DNAJC11: variants seen among roughly 807,000 people sequenced by gnomAD.
DNAJC11 encodes the protein dnaJ homolog subfamily C member 11.
Under a neutral mutation model 78.6 loss-of-function variants are expected in DNAJC11, and 15 were observed. The observed-to-expected ratio is 0.19, with a 90% confidence interval of 0.13 to 0.29. DNAJC11 has a LOEUF of 0.29. Among genes scored for constraint, DNAJC11 ranks in the 10% least tolerant of loss-of-function variants. The pLI is 1.00. For synonymous variants in DNAJC11, 292 were observed against 272.1 expected (o/e 1.07, Z -0.72); for missense variants, 547 against 709.6 (o/e 0.77, Z 2.60).
intron 14 of DNAJC11, 109 bp downstream of exon 14, chr1:6,637,089 A>G (rs867766876): frequency 1.4e-6 from 2 of 1,430,518 alleles, no homozygotes; most frequent in Non-Finnish European, 9.6e-7. Flanking sequence ...GGCTCAAGCA[A>G]TCCGCCCACC....
rs894305792 is a variant in DNAJC11, at chr1:6,653,023, C to T, written c.508-72G>A. ...GTGCCAATGGCAGCAGCCTAAAGAACGCACTGTGAGCCCAAGGCCAAAGGT... is the reference window on the plus strand; with the variant it reads ...GTGCCAATGGCAGCAGCCTAAAGAATGCACTGTGAGCCCAAGGCCAAAGGT... On this transcript the variant is annotated intron_variant, in intron 5 of 15. Coordinates refer to ENST00000377577, the MANE Select transcript of DNAJC11 (RefSeq NM_018198.4). This position sits in a 1 kb window ranked among gnomAD's most constrained non-coding sequence, Gnocchi z 4.5. 1.9e-5 allele frequency: 30 copies of T among 1,594,150 alleles called. No homozygotes were observed. Among genetic ancestry groups the T allele is most frequent in the Non-Finnish European group, 2.3e-5 (27 of 1,166,344 alleles).
chr1:6,635,673 G>A lies in DNAJC11; in HGVS notation c.*2C>T. The A allele has an allele frequency of 6.2e-7, 1 of 1,614,004 alleles. No homozygotes were observed. The highest frequency in any genetic ancestry group is 2.2e-5 in the East Asian group (1 of 44,884). The stretch of plus-strand genomic sequence containing the variant: ...CCTTTTAAAAATCTGGTTCTTGGCA[G>A]TTTATCCATCTGTATCGATCCTGTG... On this transcript the variant is annotated 3_prime_UTR_variant, in exon 16 of 16. Transcript: ENST00000377577.
At chr1:6,637,049 C>T (rs904798440) in intron 14 of DNAJC11, 149 bp downstream of exon 14, 3 of 978,218 alleles carry the variant, frequency 3.1e-6, no homozygotes, top group Non-Finnish European at 4.5e-6. Flanking sequence ...AGGGTTTTGC[C>T]ATGTTGCCTA....
At chr1:6,637,828 A>G in intron 12 of DNAJC11, 1 of 472,028 alleles carries the variant, frequency 2.1e-6, no homozygotes, top group Non-Finnish European at 3.8e-6. Flanking sequence ...ATGCGTTGTC[A>G]GCTTTAAAAA....
At chr1:6,660,351 T>C (rs959687128) in intron 4 of DNAJC11, among the ~76,000 whole-genome samples, 3 of 151,962 alleles carry the variant, frequency 2.0e-5, no homozygotes, top group Non-Finnish European at 4.4e-5. Flanking sequence ...GAGACGCGGT[T>C]TTGCCATGTT....
At position 6,701,788 on chromosome 1, in the gene DNAJC11, A is replaced by T. The variant is rs1353324908; in HGVS notation, c.13T>A (p.Leu5Met). 5.1e-6 allele frequency: 8 copies of T among 1,563,200 alleles called. No homozygotes were observed. Among genetic ancestry groups the T allele is most frequent in the Non-Finnish European group, 6.9e-6 (8 of 1,157,036 alleles). Residue 5 changes from leucine to methionine, a missense_variant, in exon 1 of 16, where the codon TTG becomes ATG. Transcript: ENST00000377577. The part of the protein sequence containing the change: MATA[L>M]SEEELDNEDY... ...TCATTGTCCAGCTCCTCCTCGCTCA[A>T]GGCCGTCGCCATCTTCGCAACCTTT...
chr1:6,668,792 G>C (rs113168654), intron 3 of DNAJC11, among the ~76,000 whole-genome samples: 110 of 152,248 alleles, frequency 7.2e-4, no homozygotes, highest in Middle Eastern at 3.4e-3. Flanking sequence ...ATGAACCTTA[G>C]AATGTGGGCT....
intron 3 of DNAJC11, among the ~76,000 whole-genome samples, chr1:6,672,709 G>T (rs1037828267): frequency 1.3e-5 from 2 of 152,196 alleles, no homozygotes; most frequent in African/African-American, 4.8e-5. Flanking sequence ...CAGAATACAT[G>T]ATGCCAGAGA....
At chr1:6,681,754 C>G (rs1642556869) in intron 1 of DNAJC11, among the ~76,000 whole-genome samples, 1 of 152,186 alleles carries the variant, frequency 6.6e-6, no homozygotes, top group South Asian at 2.1e-4. Flanking sequence ...TGTGGCCTGC[C>G]TCACAGCCAC....
chr1:6,689,829 AAGG>A (rs1329952839), intron 1 of DNAJC11, among the ~76,000 whole-genome samples: 1 of 152,092 alleles, frequency 6.6e-6, no homozygotes, highest in Non-Finnish European at 1.5e-5. Context: ...AGGGCTATGT[AAGG>A]AGGACAGGGA....
chr1:6,645,737 G>A lies in DNAJC11; in HGVS notation c.894+52C>T. The A allele has an allele frequency of 2.5e-6, 4 of 1,590,998 alleles. No homozygotes were observed. In the Admixed American group the frequency reaches 6.7e-5, roughly 27 times the overall value. ...AAGGGGAGCACTGAGTGCTTGGGAG[G>A]AGGGGTCCTCCCAGAGCTCTGTCTG... On this transcript the variant is annotated intron_variant, in intron 8 of 15. Transcript: ENST00000377577. This position sits in a 1 kb window ranked among gnomAD's most constrained non-coding sequence, Gnocchi z 4.1.
intron 11 of DNAJC11, among the ~76,000 whole-genome samples, chr1:6,638,824 A>G (rs1641828025): frequency 1.3e-5 from 2 of 152,192 alleles, no homozygotes; most frequent in South Asian, 4.1e-4. Flanking sequence ...GTTAAATAAC[A>G]CTTTTGGTAG....
chr1:6,693,202 C>T (rs1642776011), intron 1 of DNAJC11, among the ~76,000 whole-genome samples: 1 of 152,182 alleles, frequency 6.6e-6, no homozygotes, highest in South Asian at 2.1e-4. Context: ...GCGTGAGCCA[C>T]CACACCCAAC....
At chr1:6,657,361 C>G (rs770244726) in intron 4 of DNAJC11, among the ~76,000 whole-genome samples, 3 of 152,144 alleles carry the variant, frequency 2.0e-5, no homozygotes, top group Non-Finnish European at 4.4e-5. Context: ...CAGCCACCTC[C>G]GCTGAGGTGT....
At chr1:6,657,853 G>GC (rs1037260440) in intron 4 of DNAJC11, among the ~76,000 whole-genome samples, 21 of 152,308 alleles carry the variant, frequency 1.4e-4, no homozygotes, top group African/African-American at 5.1e-4. Context: ...CACCGTGTTA[G>GC]CCAGGATGGT....
chr1:6,690,707 G>C (rs923572374), intron 1 of DNAJC11, among the ~76,000 whole-genome samples: 1 of 152,172 alleles, frequency 6.6e-6, no homozygotes, highest in South Asian at 2.1e-4. Flanking sequence ...GGCGGATCAC[G>C]AGGTCAGGAG....
chr1:6,657,822 T>G (rs1002138692), intron 4 of DNAJC11, among the ~76,000 whole-genome samples: 5 of 152,170 alleles, frequency 3.3e-5, no homozygotes, highest in Non-Finnish European at 7.3e-5. Flanking sequence ...TTTTTTTGTA[T>G]TTTTAGTAGA....
At chr1:6,636,515 C>T (rs1641771600) in intron 14 of DNAJC11, among the ~76,000 whole-genome samples, 1 of 152,188 alleles carries the variant, frequency 6.6e-6, no homozygotes. Flanking sequence ...GCATTTTCAT[C>T]CTTCTGTATG....
chr1:6,651,203 A>T, intron 7 of DNAJC11: 1 of 579,564 alleles, frequency 1.7e-6, no homozygotes, highest in South Asian at 1.4e-5. Context: ...AACGATCCAT[A>T]AGTCTGTAAG....
Sources: allele counts gnomAD v4.1 joint callset (sites outside exome capture counted in the v4.1 genomes callset), GRCh38; gene constraint gnomAD v4.1.1; non-coding constraint Gnocchi (gnomAD v3.1); transcripts MANE v1.5; gene names NCBI Gene and HGNC (gene_info 2026-07-23, HGNC 2026-07-21).